PICALM: variants seen among roughly 807,000 people sequenced by gnomAD.
The protein encoded by PICALM is phosphatidylinositol binding clathrin assembly protein.
In PICALM, 40 loss-of-function variants were observed where a neutral mutation model predicts 80.5. The ratio of observed to expected loss-of-function variants is 0.50; its 90% CI spans 0.39 to 0.65. PICALM has a LOEUF of 0.65. Among genes scored for constraint, PICALM ranks in the 30% least tolerant of loss-of-function variants. The pLI, the probability that PICALM is intolerant of heterozygous loss-of-function variation, is 0.00. For synonymous variants in PICALM, 288 were observed against 260.3 expected (o/e 1.11, Z -1.02); for missense variants, 676 against 778.9 (o/e 0.87, Z 1.57).
chr11:86,021,866 T>C lies in PICALM; in HGVS notation c.452+501A>G, dbSNP rs115192235. 8.5e-3 allele frequency among the ~76,000 whole-genome samples: 1,294 copies of C among 152,300 alleles called. 24 individuals carry two copies. The highest frequency in any genetic ancestry group is 0.03 in the African/African-American group (1,256 of 41,578). On this transcript the variant is annotated intron_variant, in intron 4 of 19. Transcript: ENST00000393346. ...TTGGCTAGAAAAAGGAATAAAATAC[T>C]GATATATGAAATAACATGGATGCTA...
In PICALM at chr11:86,046,544, C is replaced by T. The variant is rs184677282; in HGVS notation, c.131-14933G>A. The stretch of plus-strand genomic sequence containing the variant: ...TGATGTTTTCCCTCATTTTAGGAGA[C>T]AACTCCTCTATCACCTTTCCAATAC... On this transcript the variant is annotated intron_variant, in intron 1 of 19. Transcript: ENST00000393346. 1.6e-4 allele frequency among the ~76,000 whole-genome samples: 24 copies of T among 152,252 alleles called. No homozygotes were observed. The East Asian group carries it at 4.4e-3, about 28-fold the overall frequency.
chr11:85,968,711 A>G (rs1298569853), intron 19 of PICALM, among the ~76,000 whole-genome samples: 1 of 152,210 alleles, frequency 6.6e-6, no homozygotes, highest in Admixed American at 6.5e-5. Flanking sequence ...TTCCAGACAC[A>G]CTAGCAATCT....
intron 12 of PICALM, among the ~76,000 whole-genome samples, chr11:85,994,306 C>T (rs541958712): frequency 6.6e-5 from 10 of 152,126 alleles, no homozygotes; most frequent in Admixed American, 1.3e-4. Flanking sequence ...TTGAAAAAGT[C>T]AAGGCTCATT....
rs1237940860 is a variant in PICALM at position 86,048,630 on chromosome 11, G to A, written c.131-17019C>T. ...GGGCAGATCACAACATCAGGAGGTC[G>A]AGACCATCCTGGCCAACATGGTGAA... On this transcript the variant is annotated intron_variant, in intron 1 of 19. Coordinates refer to ENST00000393346, the MANE Select transcript of PICALM (RefSeq NM_007166.4). Among the ~76,000 whole-genome samples, 10 of 150,704 alleles carry A rather than the reference G, an allele frequency of 6.6e-5. No homozygotes were observed. The South Asian group carries it at 1.1e-3, about 16-fold the overall frequency.
At position 86,056,143 on chromosome 11, in the gene PICALM, A is replaced by AAAAAAAAAG. The variant is rs1555149116; in HGVS notation, c.130+12507_130+12508insCTTTTTTTT. On this transcript the variant is annotated intron_variant, in intron 1 of 19. Coordinates refer to ENST00000393346, the MANE Select transcript of PICALM (RefSeq NM_007166.4). Reference sequence around the variant, plus strand: ...GAACAAGACTCTGTCTTTAAAAAAAAAAAAAAAGAAAAAACCCTTGAAAAA... The same window carrying AAAAAAAAAG: ...GAACAAGACTCTGTCTTTAAAAAAAAAAAAAAAAGAAAAAAAGAAAAAACCCTTGAAAAA... 8.9e-3 allele frequency among the ~76,000 whole-genome samples: 1,280 copies of AAAAAAAAAG among 143,878 alleles called. 79 individuals are homozygous for AAAAAAAAAG. Among genetic ancestry groups the AAAAAAAAAG allele is most frequent in the African/African-American group, 0.03 (1,201 of 39,992 alleles). The allele number at this position is 143,878 out of a possible 152,430, so 94.4% of individuals were successfully genotyped here. A position where few individuals can be genotyped will look rare whatever the true frequency, so the allele number is the denominator to read the frequency against.
rs2095386775 is a variant in PICALM, at chr11:86,011,145, A to T, written c.659-9T>A. ...CATATCAAAATATTTTTCTGACAAAATAAATGTAAAAATTCTTTTGTTCAC... is the reference window on the plus strand; with the variant it reads ...CATATCAAAATATTTTTCTGACAAATTAAATGTAAAAATTCTTTTGTTCAC... On this transcript the variant is annotated splice_polypyrimidine_tract_variant and intron_variant, in intron 6 of 19. Transcript: ENST00000393346. The T allele has an allele frequency of 8.5e-7, 1 of 1,183,026 alleles. No individual in the cohort carries two copies. Among genetic ancestry groups the T allele is most frequent in the South Asian group, 1.3e-5 (1 of 75,110 alleles). The allele number at this position is 1,183,026 out of a possible 1,614,324, so 73.3% of individuals were successfully genotyped here. A position where few individuals can be genotyped will look rare whatever the true frequency, so the allele number is the denominator to read the frequency against.
At chr11:86,026,254 A>G in intron 3 of PICALM, 38 bp downstream of exon 3, 9 of 1,125,932 alleles carry the variant, frequency 8.0e-6, no homozygotes, top group Non-Finnish European at 1.2e-5. Flanking sequence ...TGTGGGTGTC[A>G]TTCTTTTGAT....
chr11:85,968,947 A>AACACAC (rs57641869), intron 19 of PICALM, among the ~76,000 whole-genome samples: 294 of 144,106 alleles, frequency 2.0e-3, no homozygotes, highest in African/African-American at 5.6e-3. Context: ...AAAATGACTC[A>AACACAC]ACACACACAC....
intron 1 of PICALM, among the ~76,000 whole-genome samples, chr11:86,050,926 A>G (rs974757964): frequency 6.6e-6 from 1 of 152,162 alleles, no homozygotes. Context: ...GGCCTCAAGA[A>G]ATACTGCCAC....
chr11:86,054,537 G>A (rs904601896), intron 1 of PICALM, among the ~76,000 whole-genome samples: 1 of 151,962 alleles, frequency 6.6e-6, no homozygotes, highest in African/African-American at 2.4e-5. Flanking sequence ...ACCATAAAGC[G>A]CTTTTTTGCC....
At chr11:86,021,767 A>G (rs549081569) in intron 4 of PICALM, among the ~76,000 whole-genome samples, 1 of 152,334 alleles carries the variant, frequency 6.6e-6, no homozygotes, top group Non-Finnish European at 1.5e-5. Flanking sequence ...GCAAAAGTAG[A>G]AACTATTCAA....
chr11:85,988,972 TCA>T (rs1204963220), intron 13 of PICALM, among the ~76,000 whole-genome samples: 1 of 152,206 alleles, frequency 6.6e-6, no homozygotes, highest in African/African-American at 2.4e-5. Flanking sequence ...CTACACACTT[TCA>T]CAGACACTCA....
At position 85,981,153 on chromosome 11, in the gene PICALM, T is replaced by C. The variant is rs763666917; in HGVS notation, c.1755A>G (p.Thr585=). Residue 585 remains threonine (T), a synonymous_variant, in exon 17 of 20, where the codon ACA becomes ACG. Coordinates refer to ENST00000393346, the MANE Select transcript of PICALM (RefSeq NM_007166.4). ...GSNWQPKVAP[T]TAWNAATMAP... is the part of the protein sequence containing the mutation. ...CCATTGTTGCAGCATTCCAAGCGGT[T>C]GTTGGTGCAACCTTTGGTTGCCAGT... 1 of 1,600,344 alleles carries C rather than the reference T, an allele frequency of 6.2e-7. No homozygotes were observed. Among genetic ancestry groups the C allele is most frequent in the East Asian group, 2.2e-5 (1 of 44,812 alleles).
chr11:86,055,064 C>T (rs1223834187), intron 1 of PICALM, among the ~76,000 whole-genome samples: 1 of 151,982 alleles, frequency 6.6e-6, no homozygotes, highest in African/African-American at 2.4e-5. Flanking sequence ...GGGGTGGTGG[C>T]TAATGCCTGT....
intron 19 of PICALM, among the ~76,000 whole-genome samples, chr11:85,966,968 A>G (rs905277302): frequency 6.6e-6 from 1 of 152,204 alleles, no homozygotes; most frequent in Non-Finnish European, 1.5e-5. Context: ...TTTCTGTTTT[A>G]ATTTCTGTTT....
intron 1 of PICALM, among the ~76,000 whole-genome samples, chr11:86,062,123 G>C (rs1283650719): frequency 6.6e-6 from 1 of 152,192 alleles, no homozygotes; most frequent in South Asian, 2.1e-4. Flanking sequence ...GGGATGGCGA[G>C]GGGGAGCACA....
intron 8 of PICALM, among the ~76,000 whole-genome samples, chr11:86,004,025 T>C (rs1469881658): frequency 6.6e-6 from 1 of 152,234 alleles, no homozygotes; most frequent in East Asian, 1.9e-4. Context: ...TGAAAATGGA[T>C]TAGGTTGTTC....
At chr11:86,053,126 T>C (rs1450681547) in intron 1 of PICALM, among the ~76,000 whole-genome samples, 1 of 152,238 alleles carries the variant, frequency 6.6e-6, no homozygotes, top group East Asian at 1.9e-4. Context: ...GAGGACAGAT[T>C]AGTGTTTCAC....
At chr11:86,024,563 A>G (rs1311984634) in intron 3 of PICALM, among the ~76,000 whole-genome samples, 1 of 151,860 alleles carries the variant, frequency 6.6e-6, no homozygotes, top group African/African-American at 2.4e-5. Context: ...CTCTGATCTA[A>G]CTTGACTAAG....
Sources: allele counts gnomAD v4.1 joint callset (sites outside exome capture counted in the v4.1 genomes callset), GRCh38; gene constraint gnomAD v4.1.1; transcripts MANE v1.5; gene names NCBI Gene and HGNC (gene_info 2026-07-23, HGNC 2026-07-21).